Variants in DDX31 observed in about 807,000 individuals in gnomAD.
DDX31 encodes ATP-dependent DNA helicase DDX31.
Under a neutral mutation model 91.3 loss-of-function variants are expected in DDX31, and 70 were observed. The observed-to-expected ratio is 0.77, with a 90% CI of 0.63 to 0.94. The LOEUF is 0.94. Among genes scored for constraint, DDX31 ranks in the 40% least tolerant of loss-of-function variants. The probability of loss-of-function intolerance (pLI) is 0.00; values close to 1 mark genes in which losing one functional copy is unlikely to be tolerated. For synonymous variants in DDX31, 362 were observed against 350.6 expected (o/e 1.03, Z -0.36); for missense variants, 902 against 925.0 (o/e 0.98, Z 0.32).
intron 6 of DDX31, among the ~76,000 whole-genome samples, chr9:132,654,453 T>C (rs531975649): frequency 2.7e-5 from 4 of 147,410 alleles, no homozygotes; most frequent in Admixed American, 1.4e-4. Context: ...TCTACAGAAA[T>C]ACAAAAAAAA....
chr9:132,652,400 T>C lies in DDX31; in HGVS notation c.633+48A>G, dbSNP rs1834250272. On this transcript the variant is annotated intron_variant, in intron 7 of 19. Transcript: ENST00000372159. The stretch of plus-strand genomic sequence containing the variant: ...ACCACTTTTAAATTCAACGGGACAT[T>C]AGTGAAAGCATGTGCTTAAAACTTG... The C allele has an allele frequency of 1.9e-6, 3 of 1,611,468 alleles. No homozygotes were observed. In the African/African-American group the frequency reaches 4.0e-5, roughly 22 times the overall value.
intron 13 of DDX31, 27 bp downstream of exon 13, chr9:132,645,868 T>C: frequency 6.3e-7 from 1 of 1,592,378 alleles, no homozygotes; most frequent in Non-Finnish European, 8.6e-7. Flanking sequence ...CGCAGTGTTG[T>C]CGCTGCACAG....
chr9:132,618,587 A>T (rs1589997637), intron 17 of DDX31, 146 bp from the exon 18 acceptor site: 1 of 600,860 alleles, frequency 1.7e-6, no homozygotes, highest in East Asian at 3.2e-5. Context: ...ACTAGGAAAA[A>T]AGGGAGCTAT....
chr9:132,668,446 CA>C (rs1176785476), intron 1 of DDX31, among the ~76,000 whole-genome samples: 3 of 152,080 alleles, frequency 2.0e-5, no homozygotes, highest in Non-Finnish European at 2.9e-5. Context: ...TCATGGCGAC[CA>C]AAAGAGTTAA....
At chr9:132,663,430 C>T in intron 1 of DDX31, 2 of 985,422 alleles carry the variant, frequency 2.0e-6, no homozygotes, top group Middle Eastern at 5.2e-4. Flanking sequence ...GGATTACAGG[C>T]TACACAGCAC....
intron 19 of DDX31, among the ~76,000 whole-genome samples, chr9:132,600,231 T>C (rs1830653633): frequency 6.6e-6 from 1 of 152,268 alleles, no homozygotes; most frequent in Non-Finnish European, 1.5e-5. Flanking sequence ...GGTTCTGTTC[T>C]GGTAGAGAAG....
chr9:132,656,155 C>T (rs986190163), intron 6 of DDX31, among the ~76,000 whole-genome samples: 4 of 152,054 alleles, frequency 2.6e-5, no homozygotes, highest in South Asian at 2.1e-4. Context: ...AAAAGCAGTC[C>T]GTTCTCACGC....
chr9:132,639,606 C>T lies in DDX31; in HGVS notation c.1440+2398G>A, dbSNP rs561155708. On this transcript the variant is annotated intron_variant, in intron 14 of 19. Transcript: ENST00000372159. ...ACAGAACAAGGAAAGTGATTGTATGCTTTTGACCTGAGAATTATATTAACT... is the reference window on the plus strand; with the variant it reads ...ACAGAACAAGGAAAGTGATTGTATGTTTTTGACCTGAGAATTATATTAACT... Among the ~76,000 whole-genome samples the T allele has an allele frequency of 5.3e-5, 8 of 152,336 alleles. No homozygotes were observed. In the South Asian group the frequency reaches 1.7e-3, roughly 32 times the overall value.
In DDX31 at chr9:132,595,798, C is replaced by T. The variant is rs1226102633; in HGVS notation, c.1995-686G>A. Among the ~76,000 whole-genome samples, 1 of 152,214 alleles carries T rather than the reference C, an allele frequency of 6.6e-6. No individual in the cohort carries two copies. The highest frequency in any genetic ancestry group is 1.5e-5 in the Non-Finnish European group (1 of 68,038). ...CCGGGTGTTAGAGGGAGGTCTCTCCCTACCCTAAGTCACTCAGAAAATGCC... is the reference window on the plus strand; with the variant it reads ...CCGGGTGTTAGAGGGAGGTCTCTCCTTACCCTAAGTCACTCAGAAAATGCC... On this transcript the variant is annotated intron_variant, in intron 19 of 19. Coordinates refer to ENST00000372159, the MANE Select transcript of DDX31 (RefSeq NM_022779.9). The surrounding 1 kb of genome is among the most constrained non-coding windows in gnomAD (Gnocchi z 4.6).
chr9:132,650,033 T>C (rs1215790165), intron 9 of DDX31, among the ~76,000 whole-genome samples: 1 of 152,176 alleles, frequency 6.6e-6, no homozygotes, highest in Non-Finnish European at 1.5e-5. Context: ...GAAGGAAACC[T>C]GTTTGTAGGT....
intron 9 of DDX31, 96 bp downstream of exon 9, chr9:132,650,138 C>T: frequency 8.2e-7 from 1 of 1,220,010 alleles, no homozygotes; most frequent in Non-Finnish European, 1.2e-6. Context: ...GAGCCTGAGA[C>T]AAAGCTCTCA....
intron 18 of DDX31, among the ~76,000 whole-genome samples, chr9:132,614,482 C>T (rs912449778): frequency 6.6e-5 from 10 of 152,024 alleles, no homozygotes; most frequent in African/African-American, 2.4e-4. Flanking sequence ...TTTCCCCAAC[C>T]CCCAACACTC....
intron 13 of DDX31, 31 bp from the exon 14 acceptor site, chr9:132,642,094 A>G (rs747163973): frequency 1.1e-5 from 18 of 1,606,740 alleles, no homozygotes; most frequent in Non-Finnish European, 1.5e-5. Flanking sequence ...AGAGCCTTAC[A>G]ACTCAGAGAC....
chr9:132,646,883 A>G lies in DDX31; in HGVS notation c.1143T>C (p.Thr381=). The G allele has an allele frequency of 6.2e-7, 1 of 1,614,202 alleles. No individual in the cohort carries two copies. Among genetic ancestry groups the G allele is most frequent in the Non-Finnish European group, 8.5e-7 (1 of 1,180,036 alleles). ...AIPESLKQHV[T]VVPSKLRLVC... ...CAAGCCTCAGTTTGCTGGGAACCAC[A>G]GTCACATGCTGCTTGAGACTCTCTG... The change falls in exon 12 of 20, where the codon ACT becomes ACC. Residue 381 remains threonine, a synonymous_variant. Transcript: ENST00000372159.
In DDX31 at chr9:132,648,201, T is replaced by A; in HGVS notation, c.955A>T (p.Thr319Ser). The A allele has an allele frequency of 6.2e-7, 1 of 1,613,522 alleles. No homozygotes were observed. The highest frequency in any genetic ancestry group is 8.5e-7 in the Non-Finnish European group (1 of 1,179,780). ...QKRQNVLLSATLTEGVTRLAD... is the reference protein window; with the variant it reads ...QKRQNVLLSASLTEGVTRLAD... Reference sequence around the variant, plus strand: ...CTTTTCAACTCACCTTCTGTGAGTGTCGCTGATAGCAAGACATTCTGTCGT... The same window carrying A: ...CTTTTCAACTCACCTTCTGTGAGTGACGCTGATAGCAAGACATTCTGTCGT... The change falls in exon 11 of 20, where the codon ACA becomes TCA. Residue 319 changes from threonine to serine, a missense_variant. By Grantham distance (58) the Thr-to-Ser change is moderately conservative (BLOSUM62 1). Transcript: ENST00000372159.
chr9:132,617,164 T>A (rs1199365197), intron 18 of DDX31, among the ~76,000 whole-genome samples: 1 of 152,124 alleles, frequency 6.6e-6, no homozygotes, highest in East Asian at 1.9e-4. Flanking sequence ...CTCGAGCTCG[T>A]CTGCACCAGC....
At chr9:132,644,677 G>A (rs747333139) in intron 13 of DDX31, among the ~76,000 whole-genome samples, 5 of 152,148 alleles carry the variant, frequency 3.3e-5, no homozygotes, top group South Asian at 2.1e-4. Context: ...CCCCAACCAC[G>A]CTTGGATCGA....
intron 12 of DDX31, among the ~76,000 whole-genome samples, chr9:132,646,528 T>C (rs567440151): frequency 1.3e-5 from 2 of 152,274 alleles, no homozygotes; most frequent in Non-Finnish European, 2.9e-5. Context: ...CACAAGCCCC[T>C]ACGTCTGCCT....
chr9:132,635,115 T>G (rs972277274), intron 14 of DDX31, among the ~76,000 whole-genome samples: 1 of 152,202 alleles, frequency 6.6e-6, no homozygotes, highest in African/African-American at 2.4e-5. Flanking sequence ...ACAAACAACC[T>G]CAGGGTGGTG....
Sources: gnomAD v4.1 joint callset for allele counts (sites outside exome capture counted in the v4.1 genomes callset) on GRCh38, gnomAD v4.1.1 for gene constraint, Gnocchi (gnomAD v3.1) non-coding constraint, MANE v1.5 for transcripts, NCBI Gene and HGNC (gene_info 2026-07-23, HGNC 2026-07-21) for gene names.